The following CCDC180 variants were observed in gnomAD, a reference collection of about 807,000 sequenced individuals.
CCDC180 encodes the protein coiled-coil domain containing 180, also known as coiled-coil domain-containing protein 180.
CCDC180 carries 154 observed loss-of-function variants against 209.2 expected under a neutral mutation model. That is an observed-to-expected ratio of 0.74 (90% CI 0.65 to 0.84). CCDC180 has a LOEUF of 0.84. CCDC180 is among the 40% of genes least tolerant of loss of function. CCDC180 has a pLI of 0.00. For missense variants in CCDC180, 1,874 were observed against 1,997.3 expected, an observed-to-expected ratio of 0.94 and a Z score of 1.18; for synonymous variants, 778 against 749.1, an observed-to-expected ratio of 1.04 and a Z score of -0.63.
At chr9:97,311,747 G>A (rs944481229) in intron 3 of CCDC180, among the ~76,000 whole-genome samples, 4 of 152,212 alleles carry the variant, frequency 2.6e-5, no homozygotes, top group African/African-American at 9.6e-5. Flanking sequence ...GAGGATGCAT[G>A]CCAAGAGCTA....
chr9:97,341,613 C>T (rs1482797347), intron 18 of CCDC180, among the ~76,000 whole-genome samples: 1 of 152,160 alleles, frequency 6.6e-6, no homozygotes, highest in Non-Finnish European at 1.5e-5. Context: ...GGAGGTGTCT[C>T]CAAATTAGGC....
intron 32 of CCDC180, among the ~76,000 whole-genome samples, chr9:97,370,300 A>G (rs1314039609): frequency 6.6e-6 from 1 of 152,148 alleles, no homozygotes; most frequent in Non-Finnish European, 1.5e-5. Context: ...GTTGGCTATA[A>G]TGGGTGGGTG....
At chr9:97,369,414 T>TTATG (rs1827012200) in intron 31 of CCDC180, 1 of 134,840 alleles carries the variant, frequency 7.4e-6, no homozygotes, top group East Asian at 2.3e-4. Flanking sequence ...TATTTAAGCC[T>TTATG]TTATTTTATG....
At chr9:97,326,451 C>A in intron 14 of CCDC180, 103 bp from the exon 15 acceptor site, 1 of 719,016 alleles carries the variant, frequency 1.4e-6, no homozygotes, top group Non-Finnish European at 2.5e-6. Flanking sequence ...TCTGCTGAGG[C>A]ACCTGGGCCT....
chr9:97,372,886 GA>G (rs1246063919), intron 34 of CCDC180: 1 of 152,146 alleles, frequency 6.6e-6, no homozygotes, highest in Admixed American at 6.5e-5. Context: ...CAAAAATAAC[GA>G]AAATTGGATG....
chr9:97,333,366 G>A lies in CCDC180; in HGVS notation c.2274+2599G>A, dbSNP rs912801949. Among the ~76,000 whole-genome samples the A allele has an allele frequency of 5.3e-5, 8 of 152,122 alleles. No homozygotes were observed. The South Asian group carries it at 1.0e-3, about 20-fold the overall frequency. ...GTTTCTGCCAGGTTTTGGCATCAGC[G>A]TGATTCCGGCTTCATAGAATGAGTT... On this transcript the variant is annotated intron_variant, in intron 18 of 36. Transcript: ENST00000529487.
intron 18 of CCDC180, among the ~76,000 whole-genome samples, chr9:97,330,974 A>G (rs1191332612): frequency 6.6e-6 from 1 of 152,206 alleles, no homozygotes; most frequent in Non-Finnish European, 1.5e-5. Flanking sequence ...TATTTAGGTA[A>G]ACTATGTATC....
At position 97,323,246 on chromosome 9, in the gene CCDC180, C is replaced by T. The variant is rs149787479; in HGVS notation, c.1248+325C>T. Among the ~76,000 whole-genome samples, 371 of 152,278 alleles carry T rather than the reference C, an allele frequency of 2.4e-3. 2 individuals carry two copies. Among genetic ancestry groups the T allele is most frequent in the African/African-American group, 8.5e-3 (353 of 41,538 alleles). On this transcript the variant is annotated intron_variant, in intron 12 of 36. Coordinates refer to ENST00000529487, the MANE Select transcript of CCDC180 (RefSeq NM_020893.6). ...CCATGTAAGATGAAGTGTGCGCTCT[C>T]AGATCACCTCAGACTTCACCCTTGA...
rs765657378 is a variant in CCDC180 at position 97,312,134 on chromosome 9, G to A, written c.282G>A (p.Arg94=). The A allele has an allele frequency of 6.2e-7, 1 of 1,614,052 alleles. No homozygotes were observed. Among genetic ancestry groups the A allele is most frequent in the Non-Finnish European group, 8.5e-7 (1 of 1,179,952 alleles). ...TCAGGGAAAAGGAAAGAGCCAAGAG[G>A]GAAAAAGCCCGAGAGAGTGAGAACA... ...VLHREKERAK[R]EKARESENTI... The change falls in exon 4 of 37, where the codon AGG becomes AGA. Residue 94 remains arginine (R), a synonymous_variant. Coordinates refer to ENST00000529487, the MANE Select transcript of CCDC180 (RefSeq NM_020893.6).
At chr9:97,324,277 G>C (rs938936248) in intron 13 of CCDC180, among the ~76,000 whole-genome samples, 25 of 152,300 alleles carry the variant, frequency 1.6e-4, no homozygotes, top group African/African-American at 5.5e-4. Flanking sequence ...TTTAGGCTCT[G>C]TGGGCCATCA....
At chr9:97,375,625 A>G (rs1166026255) in intron 36 of CCDC180, 36 bp downstream of exon 36, 6 of 1,613,206 alleles carry the variant, frequency 3.7e-6, no homozygotes, top group Non-Finnish European at 5.1e-6. Context: ...CCCAGGGAGC[A>G]CAGCTCAGGT....
Position 97,314,832 on chromosome 9 carries a change from G to T in CCDC180, c.700-19G>T, listed in dbSNP as rs746927179. The T allele has an allele frequency of 3.3e-5, 53 of 1,605,670 alleles. No homozygotes were observed. Among genetic ancestry groups the T allele is most frequent in the Non-Finnish European group, 4.5e-5 (53 of 1,172,452 alleles). On this transcript the variant is annotated intron_variant, in intron 7 of 36. Coordinates refer to ENST00000529487, the MANE Select transcript of CCDC180 (RefSeq NM_020893.6). Reference sequence around the variant, plus strand: ...CTCCAGGAAGTGAGCCACTAAGTATGGTGCCTTGTCATTTCTAGCTAAAAA... The same window carrying T: ...CTCCAGGAAGTGAGCCACTAAGTATTGTGCCTTGTCATTTCTAGCTAAAAA...
rs573049868 is a variant in CCDC180, at chr9:97,361,840, C to T, written c.3598C>T (p.Arg1200Cys). 71 of 1,614,176 alleles carry T rather than the reference C, an allele frequency of 4.4e-5. 1 individual carries two copies. The highest frequency in any genetic ancestry group is 4.0e-4 in the South Asian group (36 of 91,088). ...VTPESFTQLSRVGKPLIEDPA... is the reference protein window; with the variant it reads ...VTPESFTQLSCVGKPLIEDPA... ...CCCTGAGTCCTTCACCCAGCTGAGC[C>T]GCGTGGGGAAGCCCCTGATTGAGGA... Residue 1200 changes from arginine (R) to cysteine (C), a missense_variant, in exon 27 of 37, where the codon CGC (arginine) becomes TGC (cysteine). Arg to Cys is a radical substitution (Grantham distance 180). Transcript: ENST00000529487.
At position 97,317,053 on chromosome 9, in the gene CCDC180, C is replaced by T. The variant is rs1214771644; in HGVS notation, c.796-12C>T. 6.2e-7 allele frequency: 1 copy of T among 1,602,016 alleles called. No homozygotes were observed. Among genetic ancestry groups the T allele is most frequent in the Non-Finnish European group, 8.5e-7 (1 of 1,171,302 alleles). Reference sequence around the variant, plus strand: ...CTGCCCTGTCTAGAGCCCTGCCCATCTGTGACCACAGGTCATGAACTATGC... The same window carrying T: ...CTGCCCTGTCTAGAGCCCTGCCCATTTGTGACCACAGGTCATGAACTATGC... On this transcript the variant is annotated splice_polypyrimidine_tract_variant and intron_variant, in intron 8 of 36. Transcript: ENST00000529487.
At chr9:97,359,546 G>A (rs1290564266) in intron 25 of CCDC180, among the ~76,000 whole-genome samples, 4 of 152,130 alleles carry the variant, frequency 2.6e-5, no homozygotes, top group South Asian at 2.1e-4. Context: ...ACATTGCCAT[G>A]GAGGTGGCCA....
chr9:97,354,328 A>G (rs988178833), intron 22 of CCDC180, among the ~76,000 whole-genome samples: 9 of 152,094 alleles, frequency 5.9e-5, no homozygotes, highest in African/African-American at 2.2e-4. Flanking sequence ...AGCTATTTTT[A>G]TTTCGAATTT....
At chr9:97,354,351 G>A (rs1826504729) in intron 22 of CCDC180, among the ~76,000 whole-genome samples, 1 of 152,074 alleles carries the variant, frequency 6.6e-6, no homozygotes, top group Non-Finnish European at 1.5e-5. Context: ...TTTCAGTTGG[G>A]TCTGTTAGAG....
rs1351989691 is a variant in CCDC180, at chr9:97,322,542, C to CA, written c.1160-289dup. 2.0e-5 allele frequency among the ~76,000 whole-genome samples: 3 copies of CA among 152,340 alleles called. No individual in the cohort carries two copies. In the East Asian group the frequency reaches 5.8e-4, roughly 29 times the overall value. The stretch of plus-strand genomic sequence containing the variant: ...GATCTCCACTCTCATTACTGGTTTA[C>CA]AACTTGGTGCAGTTTCCCAAAAGGA... On this transcript the variant is annotated intron_variant, in intron 11 of 36. Transcript: ENST00000529487.
At chr9:97,328,258 T>C (rs1382486141) in intron 16 of CCDC180, 112 bp downstream of exon 16, 1 of 1,210,516 alleles carries the variant, frequency 8.3e-7, no homozygotes, top group African/African-American at 1.5e-5. Flanking sequence ...GCTGCAGAGT[T>C]CAAATCAATG....
Sources: gnomAD v4.1 joint callset for allele counts (sites outside exome capture counted in the v4.1 genomes callset) on GRCh38, gnomAD v4.1.1 for gene constraint, MANE v1.5 for transcripts, NCBI Gene and HGNC (gene_info 2026-07-23, HGNC 2026-07-21) for gene names.